Variants in ADCY2 observed in about 807,000 individuals in gnomAD.
The protein encoded by ADCY2 is adenylate cyclase 2.
ADCY2 carries 31 observed loss-of-function variants against 125.2 expected under a neutral mutation model. The observed-to-expected ratio is 0.25, with a 90% CI of 0.19 to 0.33. ADCY2 has a LOEUF of 0.33. Ranked by LOEUF, ADCY2 falls within the 10% of genes least tolerant of loss-of-function variation. The pLI is 1.00. For missense variants in ADCY2, 904 were observed against 1,418.2 expected (o/e 0.64, Z 5.82); for synonymous variants, 512 against 548.4 (o/e 0.93, Z 0.93).
intron 1 of ADCY2, among the ~76,000 whole-genome samples, chr5:7,410,923 A>G (rs1007134776): frequency 2.0e-5 from 3 of 152,000 alleles, no homozygotes; most frequent in Non-Finnish European, 2.9e-5. Context: ...TCCTTTCTCC[A>G]TCTGCTGGGA....
intron 21 of ADCY2, among the ~76,000 whole-genome samples, chr5:7,804,227 C>A (rs1052638356): frequency 2.0e-5 from 3 of 152,166 alleles, no homozygotes; most frequent in African/African-American, 7.2e-5. Context: ...AGAAAGAGCT[C>A]ACTCATTGAA....
intron 3 of ADCY2, among the ~76,000 whole-genome samples, chr5:7,553,788 G>C (rs919034288): frequency 6.6e-6 from 1 of 152,324 alleles, no homozygotes; most frequent in Middle Eastern, 3.4e-3. Flanking sequence ...TCTCTCCCCA[G>C]CCAGTGCTTG....
intron 22 of ADCY2, among the ~76,000 whole-genome samples, chr5:7,814,865 T>A (rs1205690094): frequency 6.6e-6 from 1 of 152,192 alleles, no homozygotes; most frequent in Non-Finnish European, 1.5e-5. Context: ...ATCTCAGAAG[T>A]CACTGCCTAA....
chr5:7,795,184 T>C (rs1298628041), intron 20 of ADCY2: 1 of 152,140 alleles, frequency 6.6e-6, no homozygotes, highest in African/African-American at 2.4e-5. Flanking sequence ...GGCCTCAGAG[T>C]CCTCTCAGAG....
intron 12 of ADCY2, among the ~76,000 whole-genome samples, chr5:7,722,624 C>A (rs538068954): frequency 9.1e-4 from 139 of 152,140 alleles, no homozygotes; most frequent in South Asian, 2.5e-3. Flanking sequence ...TGTTTCCCTA[C>A]AGCTTATACC....
At chr5:7,521,318 A>T (rs1744437997) in intron 3 of ADCY2, among the ~76,000 whole-genome samples, 1 of 152,092 alleles carries the variant, frequency 6.6e-6, no homozygotes, top group Admixed American at 6.5e-5. Flanking sequence ...AAAGATAAAA[A>T]TTTTCTTTAT....
At chr5:7,727,547 C>G (rs1247560529) in intron 14 of ADCY2, among the ~76,000 whole-genome samples, 1 of 152,130 alleles carries the variant, frequency 6.6e-6, no homozygotes, top group Non-Finnish European at 1.5e-5. Flanking sequence ...GATGCGCAGT[C>G]TAGGAAATGT....
intron 2 of ADCY2, among the ~76,000 whole-genome samples, chr5:7,427,175 G>A (rs945878961): frequency 2.0e-5 from 3 of 152,134 alleles, no homozygotes; most frequent in African/African-American, 7.2e-5. Flanking sequence ...GCTTGCAGCT[G>A]TGATACTCCA....
chr5:7,541,313 T>C (rs897615836), intron 3 of ADCY2, among the ~76,000 whole-genome samples: 8 of 152,330 alleles, frequency 5.3e-5, no homozygotes, highest in South Asian at 2.1e-4. Context: ...AATCAGCAGA[T>C]GGTGTGAAAT....
At position 7,408,448 on chromosome 5, in the gene ADCY2, A is replaced by G. The variant is rs192198502; in HGVS notation, c.211-6125A>G. 2.7e-5 allele frequency among the ~76,000 whole-genome samples: 4 copies of G among 150,822 alleles called. No individual in the cohort carries two copies. In the East Asian group the frequency reaches 8.0e-4, roughly 30 times the overall value. ...AGTGGCACAATCTCGGCTCACTGCA[A>G]CCTCCGCCTCCCGAGTTCAAGCGAT... On this transcript the variant is annotated intron_variant, in intron 1 of 24. Coordinates refer to ENST00000338316, the MANE Select transcript of ADCY2 (RefSeq NM_020546.3).
At chr5:7,444,411 G>C (rs1458378627) in intron 2 of ADCY2, among the ~76,000 whole-genome samples, 1 of 151,928 alleles carries the variant, frequency 6.6e-6, no homozygotes, top group Non-Finnish European at 1.5e-5. Context: ...CACCGCGCCG[G>C]GGCTGTTTTT....
intron 3 of ADCY2, among the ~76,000 whole-genome samples, chr5:7,526,046 C>T (rs926019094): frequency 3.9e-5 from 6 of 152,318 alleles, no homozygotes; most frequent in African/African-American, 1.4e-4. Flanking sequence ...GTGGCTGCCC[C>T]TCACCTGGGT....
intron 20 of ADCY2, among the ~76,000 whole-genome samples, chr5:7,792,012 A>G (rs1250447070): frequency 6.6e-6 from 1 of 152,100 alleles, no homozygotes; most frequent in Non-Finnish European, 1.5e-5. Flanking sequence ...CACAGGCACC[A>G]GGAAAGTGCC....
chr5:7,579,647 G>A (rs961547342), intron 3 of ADCY2, among the ~76,000 whole-genome samples: 1 of 152,114 alleles, frequency 6.6e-6, no homozygotes. Context: ...ATTCTCCAGA[G>A]GAATGTGACA....
At chr5:7,596,712 AG>A (rs1284563794) in intron 3 of ADCY2, among the ~76,000 whole-genome samples, 6 of 152,192 alleles carry the variant, frequency 3.9e-5, no homozygotes, top group Admixed American at 1.3e-4. Flanking sequence ...ACTCAGTAAA[AG>A]CTGCATCTAC....
At chr5:7,685,289 A>C (rs1025297) in intron 4 of ADCY2, 67,476 of 152,164 alleles carry the variant, frequency 0.44, 15,685 homozygotes, top group East Asian at 0.83. Context: ...AGTAAGTTCT[A>C]GAAAGGGCCT....
At chr5:7,630,454 G>C (rs895243919) in intron 4 of ADCY2, among the ~76,000 whole-genome samples, 1 of 151,956 alleles carries the variant, frequency 6.6e-6, no homozygotes, top group Admixed American at 6.6e-5. Context: ...TAATGTCCTG[G>C]GTACTTTATG....
chr5:7,805,450 G>GTA, intron 22 of ADCY2, among the ~76,000 whole-genome samples: 1 of 152,274 alleles, frequency 6.6e-6, no homozygotes, highest in South Asian at 2.1e-4. Context: ...TCTCGTGTGT[G>GTA]TGTGTGTGAG....
intron 3 of ADCY2, among the ~76,000 whole-genome samples, chr5:7,578,832 T>A (rs550380687): frequency 6.6e-6 from 1 of 152,206 alleles, no homozygotes; most frequent in Admixed American, 6.5e-5. Flanking sequence ...GTGGGAGGTC[T>A]TTCATGGTGG....
Sources: allele counts gnomAD v4.1 joint callset (sites outside exome capture counted in the v4.1 genomes callset), GRCh38; gene constraint gnomAD v4.1.1; transcripts MANE v1.5; gene names NCBI Gene and HGNC (gene_info 2026-07-23, HGNC 2026-07-21).